The following AKT3 variants were observed in gnomAD, a reference collection of about 807,000 sequenced individuals.
AKT3 encodes AKT serine/threonine kinase 3.
In AKT3, 15 loss-of-function variants were observed where a neutral mutation model predicts 65.3. The observed-to-expected ratio is 0.23, with a 90% CI of 0.15 to 0.35. AKT3 has a LOEUF of 0.35. Ranked by LOEUF, AKT3 falls within the 10% of genes least tolerant of loss-of-function variation. AKT3 has a pLI of 1.00. For missense variants in AKT3, 243 were observed against 576.5 expected (o/e 0.42, Z 5.92); for synonymous variants, 206 against 183.8 (o/e 1.12, Z -0.98).
At chr1:243,580,561 G>A (rs982110402) in intron 8 of AKT3, among the ~76,000 whole-genome samples, 1 of 152,188 alleles carries the variant, frequency 6.6e-6, no homozygotes, top group Non-Finnish European at 1.5e-5. Context: ...TGGGATAGGG[G>A]CTTCACAGTC....
intron 8 of AKT3, among the ~76,000 whole-genome samples, chr1:243,576,881 A>G (rs1674979666): frequency 6.6e-6 from 1 of 152,196 alleles, no homozygotes; most frequent in African/African-American, 2.4e-5. Context: ...AACTATTTTA[A>G]AATTCACATG....
chr1:243,737,900 T>C (rs538767889), intron 2 of AKT3, among the ~76,000 whole-genome samples: 5 of 152,298 alleles, frequency 3.3e-5, no homozygotes, highest in East Asian at 1.9e-4. Context: ...TTCCAAAACA[T>C]TGAAGTACTG....
chr1:243,537,364 A>G lies in AKT3; in HGVS notation c.1251+8146T>C, dbSNP rs985084681. 3.9e-5 allele frequency among the ~76,000 whole-genome samples: 6 copies of G among 152,268 alleles called. No individual in the cohort carries two copies. The South Asian group carries it at 1.0e-3, about 26-fold the overall frequency. ...TTCCATTTTAACTCCCAGAAGTGCT[A>G]TATTTCTAGCCATTAGACAATTCTA... On this transcript the variant is annotated intron_variant, in intron 12 of 13. Coordinates refer to ENST00000673466, the MANE Select transcript of AKT3 (RefSeq NM_005465.7).
chr1:243,818,984 A>G (rs1336844029), intron 2 of AKT3, among the ~76,000 whole-genome samples: 1 of 152,170 alleles, frequency 6.6e-6, no homozygotes, highest in Non-Finnish European at 1.5e-5. Context: ...TGCCCAGGAA[A>G]CCATGTTTTT....
intron 2 of AKT3, among the ~76,000 whole-genome samples, chr1:243,803,548 A>G (rs1027781938): frequency 6.6e-6 from 1 of 152,146 alleles, no homozygotes; most frequent in African/African-American, 2.4e-5. Context: ...ACTCACTTAT[A>G]TAAGCAATCA....
intron 2 of AKT3, among the ~76,000 whole-genome samples, chr1:243,733,729 A>T (rs1292515540): frequency 6.6e-6 from 1 of 152,222 alleles, no homozygotes; most frequent in Non-Finnish European, 1.5e-5. Context: ...ACTACACTAT[A>T]GTCTATTAAA....
At chr1:243,665,573 C>T (rs1037874992) in intron 3 of AKT3, among the ~76,000 whole-genome samples, 1 of 152,156 alleles carries the variant, frequency 6.6e-6, no homozygotes, top group African/African-American at 2.4e-5. Context: ...TTCTCTGACA[C>T]TGGTGTGCGT....
chr1:243,768,171 T>C (rs954160623), intron 2 of AKT3, among the ~76,000 whole-genome samples: 41 of 150,564 alleles, frequency 2.7e-4, no homozygotes, highest in Non-Finnish European at 1.0e-4. Context: ...ATATAATATA[T>C]ATATTTTATA....
intron 12 of AKT3, among the ~76,000 whole-genome samples, chr1:243,534,364 A>T (rs1558595753): frequency 6.6e-6 from 1 of 152,216 alleles, no homozygotes; most frequent in Non-Finnish European, 1.5e-5. Flanking sequence ...CTAGCAACAG[A>T]ATCAAAATAC....
At chr1:243,515,997 T>C (rs1670329657) in intron 12 of AKT3, among the ~76,000 whole-genome samples, 1 of 152,050 alleles carries the variant, frequency 6.6e-6, no homozygotes, top group Non-Finnish European at 1.5e-5. Context: ...AAAAATCTCT[T>C]GCATATTGAT....
chr1:243,771,479 C>T (rs930071282), intron 2 of AKT3, among the ~76,000 whole-genome samples: 1 of 152,082 alleles, frequency 6.6e-6, no homozygotes, highest in Non-Finnish European at 1.5e-5. Flanking sequence ...GTGTTGATAA[C>T]AAGAAATTTG....
intron 6 of AKT3, among the ~76,000 whole-genome samples, chr1:243,630,779 T>G (rs1173732073): frequency 6.6e-6 from 1 of 151,832 alleles, no homozygotes; most frequent in Non-Finnish European, 1.5e-5. Flanking sequence ...TATACTTAAG[T>G]CTTCGGTGCT....
chr1:243,731,509 A>C (rs1373516017), intron 2 of AKT3, among the ~76,000 whole-genome samples: 1 of 152,188 alleles, frequency 6.6e-6, no homozygotes, highest in Non-Finnish European at 1.5e-5. Context: ...TGAAACAAGG[A>C]AGTACATAGT....
At chr1:243,759,437 A>G (rs1382783572) in intron 2 of AKT3, among the ~76,000 whole-genome samples, 4 of 152,050 alleles carry the variant, frequency 2.6e-5, no homozygotes, top group Non-Finnish European at 5.9e-5. Context: ...AGCCAGTCCT[A>G]TATCATAAAG....
Position 243,665,567 on chromosome 1 carries a change from C to CT in AKT3, c.173-685dup, listed in dbSNP as rs560775711. On this transcript the variant is annotated intron_variant, in intron 3 of 13. Coordinates refer to ENST00000673466, the MANE Select transcript of AKT3 (RefSeq NM_005465.7). ...AACATGAGCCTAAAGTATGGATTCT[C>CT]TGACACTGGTGTGCGTAGATTCAAT... Among the ~76,000 whole-genome samples, 389 of 152,306 alleles carry CT rather than the reference C, an allele frequency of 2.6e-3. 2 individuals are homozygous for CT. Among genetic ancestry groups the CT allele is most frequent in the African/African-American group, 8.5e-3 (353 of 41,566 alleles).
chr1:243,512,240 TG>T (rs1670061265), intron 13 of AKT3, 83 bp downstream of exon 13: 3 of 685,876 alleles, frequency 4.4e-6, no homozygotes, highest in Non-Finnish European at 7.1e-6. Context: ...AAATATCAGA[TG>T]AGTTTTTAAA....
intron 2 of AKT3, among the ~76,000 whole-genome samples, chr1:243,753,864 A>G (rs1387308167): frequency 1.3e-5 from 2 of 152,188 alleles, no homozygotes; most frequent in East Asian, 1.9e-4. Flanking sequence ...ATCTTTTCCC[A>G]TGAAGCCTTC....
chr1:243,552,319 A>T (rs1488495268), intron 11 of AKT3, among the ~76,000 whole-genome samples: 1 of 142,974 alleles, frequency 7.0e-6, no homozygotes, highest in Non-Finnish European at 1.5e-5. Context: ...AAAAAAATGC[A>T]ATTAGATATG....
intron 1 of AKT3, among the ~76,000 whole-genome samples, chr1:243,849,708 G>A (rs1021807842): frequency 6.6e-6 from 1 of 151,528 alleles, no homozygotes; most frequent in Non-Finnish European, 1.5e-5. Flanking sequence ...CCGGGCCGGG[G>A]CAGCCCAGAC....
Sources: allele counts gnomAD v4.1 joint callset (sites outside exome capture counted in the v4.1 genomes callset), GRCh38; gene constraint gnomAD v4.1.1; transcripts MANE v1.5; gene names NCBI Gene and HGNC (gene_info 2026-07-23, HGNC 2026-07-21).